The following MYO18B variants were observed in gnomAD, a reference collection of about 807,000 sequenced individuals.
The protein encoded by MYO18B is myosin XVIIIB.
Under a neutral mutation model 273.0 loss-of-function variants are expected in MYO18B, and 204 were observed. That is an observed-to-expected ratio of 0.75 (90% confidence interval 0.67 to 0.84). MYO18B has a LOEUF of 0.84. MYO18B is among the 40% of genes least tolerant of loss of function. MYO18B has a pLI of 0.00. For missense variants in MYO18B, 3,212 were observed against 3,287.6 expected (o/e 0.98, Z 0.56); for synonymous variants, 1,330 against 1,305.7 (o/e 1.02, Z -0.40).
chr22:26,027,172 G>C lies in MYO18B; in HGVS notation c.7198G>C (p.Gly2400Arg), dbSNP rs773990997. ...GGACGATGCGGGCTGTCCAGACCTT[G>C]GAAAGGAGCCGCTTGTTTTCCAGAA... Reference protein sequence around the residue: ...SVDDAGCPDLGKEPLVFQNRQ... With the variant: ...SVDDAGCPDLRKEPLVFQNRQ... The change falls in exon 43 of 44, where the codon GGA becomes CGA. Residue 2400 changes from glycine to arginine, a missense_variant. Gly to Arg is a moderately radical substitution (Grantham distance 125). Coordinates refer to ENST00000335473, the MANE Select transcript of MYO18B (RefSeq NM_032608.7). This position sits in a 1 kb window ranked among gnomAD's most constrained non-coding sequence, Gnocchi z 4.1. 6.2e-7 allele frequency: 1 copy of C among 1,613,986 alleles called. No homozygotes were observed. The highest frequency in any genetic ancestry group is 1.1e-5 in the South Asian group (1 of 91,084).
chr22:25,929,693 C>G (rs1005431568), intron 34 of MYO18B, among the ~76,000 whole-genome samples: 1 of 152,140 alleles, frequency 6.6e-6, no homozygotes, highest in African/African-American at 2.4e-5. Flanking sequence ...TTCACCTCTT[C>G]CTTCTGAGAA....
intron 42 of MYO18B, among the ~76,000 whole-genome samples, chr22:26,008,812 G>A (rs1057065500): frequency 5.3e-5 from 8 of 152,150 alleles, no homozygotes; most frequent in African/African-American, 9.7e-5. Context: ...TCTCCTTCTC[G>A]CTCTCCTTCC....
At chr22:25,791,364 G>A (rs2087652756) in intron 11 of MYO18B, among the ~76,000 whole-genome samples, 1 of 152,218 alleles carries the variant, frequency 6.6e-6, no homozygotes, top group African/African-American at 2.4e-5. Flanking sequence ...CCAAAGCAAG[G>A]ACCCCAGGGT....
intron 39 of MYO18B, 114 bp downstream of exon 39, chr22:25,955,478 G>A (rs1349660957): frequency 1.8e-6 from 2 of 1,111,112 alleles, no homozygotes; most frequent in Non-Finnish European, 2.5e-6. Context: ...CTGGGCCTCA[G>A]GGGTGTGCGG....
At chr22:25,799,831 T>A (rs1043760472) in intron 12 of MYO18B, among the ~76,000 whole-genome samples, 4 of 152,184 alleles carry the variant, frequency 2.6e-5, no homozygotes, top group African/African-American at 9.7e-5. Flanking sequence ...AGGACAGACA[T>A]GCTGGGCTGG....
chr22:26,003,061 C>G (rs1261806595), intron 40 of MYO18B, among the ~76,000 whole-genome samples: 1 of 152,150 alleles, frequency 6.6e-6, no homozygotes, highest in Non-Finnish European at 1.5e-5. Context: ...CTCACTTACT[C>G]TGCTCCACAA....
chr22:25,928,297 A>G (rs992330674), intron 34 of MYO18B, among the ~76,000 whole-genome samples: 11 of 150,404 alleles, frequency 7.3e-5, no homozygotes, highest in African/African-American at 2.4e-4. Context: ...TCCAGGTGCA[A>G]TGTCTCACAC....
chr22:25,770,796 C>CCTGCCCT (rs2086688825), intron 5 of MYO18B, 76 bp from the exon 6 acceptor site: 1 of 1,056,848 alleles, frequency 9.5e-7, no homozygotes, highest in Admixed American at 2.0e-5. Context: ...TCTCTTATCT[C>CCTGCCCT]CTGCCCTCGC....
intron 3 of MYO18B, among the ~76,000 whole-genome samples, chr22:25,767,395 A>G (rs541772433): frequency 6.6e-6 from 1 of 152,370 alleles, no homozygotes; most frequent in Admixed American, 6.5e-5. Context: ...TATGGGGATC[A>G]GGGCAGTGGA....
chr22:25,964,307 A>G (rs2092953359), intron 39 of MYO18B: 1 of 152,182 alleles, frequency 6.6e-6, no homozygotes, highest in Non-Finnish European at 1.5e-5. Flanking sequence ...CGTTGGAGGT[A>G]ATTGTCCTTA....
intron 20 of MYO18B, among the ~76,000 whole-genome samples, chr22:25,850,088 C>T (rs1458748954): frequency 6.6e-6 from 1 of 152,200 alleles, no homozygotes; most frequent in African/African-American, 2.4e-5. Context: ...TGTCTGCATC[C>T]TTCAAAGCTG....
At chr22:25,773,929 G>A (rs1396151971) in intron 7 of MYO18B, among the ~76,000 whole-genome samples, 1 of 152,156 alleles carries the variant, frequency 6.6e-6, no homozygotes, top group Non-Finnish European at 1.5e-5. Flanking sequence ...CTCAGTGGAG[G>A]CAGGGAGGCC....
At chr22:25,841,727 C>T (rs1035245638) in intron 17 of MYO18B, among the ~76,000 whole-genome samples, 5 of 152,220 alleles carry the variant, frequency 3.3e-5, no homozygotes, top group East Asian at 1.9e-4. Context: ...GTCCCCTACT[C>T]GGTCACGATC....
chr22:25,818,562 G>T (rs775702378), intron 12 of MYO18B, among the ~76,000 whole-genome samples: 31 of 152,298 alleles, frequency 2.0e-4, no homozygotes, highest in South Asian at 1.9e-3. Flanking sequence ...TCGATGGCTT[G>T]AGAAGAAGTG....
intron 21 of MYO18B, among the ~76,000 whole-genome samples, chr22:25,859,917 C>T (rs2090681596): frequency 6.6e-6 from 1 of 152,128 alleles, no homozygotes; most frequent in South Asian, 2.1e-4. Flanking sequence ...ACCTACCCCT[C>T]GGTTACAGAG....
In MYO18B at chr22:25,826,484, T is replaced by G. The variant is rs1601814672; in HGVS notation, c.2771T>G (p.Val924Gly). 1 of 1,613,582 alleles carries G rather than the reference T, an allele frequency of 6.2e-7. No individual in the cohort carries two copies. Among genetic ancestry groups the G allele is most frequent in the Admixed American group, 1.7e-5 (1 of 59,990 alleles). The change falls in exon 14 of 44, where the codon GTC (valine) becomes GGC (glycine). Residue 924 changes from valine (V) to glycine (G), a missense_variant. Val to Gly is a moderately radical substitution (Grantham distance 109, BLOSUM62 -3). Transcript: ENST00000335473. ...GLYQELFAAV[V>G]SLINRSFSSH... ...TACCAGGAACTCTTTGCGGCTGTGG[T>G]CTCACTCATCAACAGGTAACGGGGC...
chr22:25,973,840 T>C (rs1425856143), intron 39 of MYO18B, among the ~76,000 whole-genome samples: 1 of 152,212 alleles, frequency 6.6e-6, no homozygotes, highest in Non-Finnish European at 1.5e-5. Flanking sequence ...CCAATCCCTT[T>C]TGAACTCACA....
At chr22:25,900,153 A>G (rs1052019608) in intron 29 of MYO18B, 7 of 152,224 alleles carry the variant, frequency 4.6e-5, no homozygotes, top group African/African-American at 1.7e-4. Flanking sequence ...CTATTTCTTC[A>G]TATTTGCATG....
chr22:25,972,121 A>T (rs1318090991), intron 39 of MYO18B, among the ~76,000 whole-genome samples: 2 of 151,488 alleles, frequency 1.3e-5, no homozygotes, highest in East Asian at 3.9e-4. Flanking sequence ...TCAAAAAAAA[A>T]AATACATACA....
Sources: allele counts gnomAD v4.1 joint callset (sites outside exome capture counted in the v4.1 genomes callset), GRCh38; gene constraint gnomAD v4.1.1; non-coding constraint Gnocchi (gnomAD v3.1); transcripts MANE v1.5; gene names NCBI Gene and HGNC (gene_info 2026-07-23, HGNC 2026-07-21).